Variants in FAT1 observed in about 807,000 individuals in gnomAD.
The protein encoded by FAT1 is protocadherin Fat 1.
In FAT1, 171 loss-of-function variants were observed where a neutral mutation model predicts 329.8. The observed-to-expected ratio is 0.52, with a 90% CI of 0.46 to 0.59. FAT1 has a LOEUF of 0.59. Among genes scored for constraint, FAT1 ranks in the 20% least tolerant of loss-of-function variants. FAT1 has a pLI of 0.00. For missense variants in FAT1, 5,672 were observed against 5,774.4 expected (o/e 0.98, Z 0.57); for synonymous variants, 2,233 against 2,228.6 (o/e 1.00, Z -0.06).
intron 3 of FAT1, among the ~76,000 whole-genome samples, chr4:186,652,901 C>T (rs953803451): frequency 4.6e-5 from 7 of 152,176 alleles, no homozygotes; most frequent in African/African-American, 1.2e-4. Flanking sequence ...AACTTTACTG[C>T]GTGCTTTAGG....
intron 3 of FAT1, among the ~76,000 whole-genome samples, chr4:186,642,733 A>C (rs1741161638): frequency 1.3e-5 from 2 of 152,212 alleles, no homozygotes; most frequent in African/African-American, 4.8e-5. Flanking sequence ...GCAGGGAAGA[A>C]GCTGTGGGCA....
At chr4:186,612,113 CTTTTT>C (rs1343261553) in intron 13 of FAT1, among the ~76,000 whole-genome samples, 2 of 124,322 alleles carry the variant, frequency 1.6e-5, no homozygotes, top group Non-Finnish European at 3.6e-5. Context: ...CCGGCCAACG[CTTTTT>C]TTTTTTTTTT....
chr4:186,677,311 A>C (rs918510422), intron 2 of FAT1, among the ~76,000 whole-genome samples: 1 of 152,196 alleles, frequency 6.6e-6, no homozygotes, highest in African/African-American at 2.4e-5. Flanking sequence ...CTGATAACCT[A>C]GGAGAAACTT....
chr4:186,621,188 C>T lies in FAT1; in HGVS notation c.5398G>A (p.Asp1800Asn), dbSNP rs560677944. Residue 1800 changes from aspartate to asparagine, a missense_variant, in exon 10 of 27, where the codon GAT becomes AAT. Physicochemically the swap from Asp to Asn is conservative, Grantham distance 23. Transcript: ENST00000441802. ...VPLVIRAADA[D>N]KDSNALLVYH... ...ACAAGCAAAGCATTTGAGTCTTTAT[C>T]AGCATCAGCTGCTCGAATCACCAGT... 9.9e-6 allele frequency: 16 copies of T among 1,614,004 alleles called. No homozygotes were observed. Among genetic ancestry groups the T allele is most frequent in the East Asian group, 6.7e-5 (3 of 44,886 alleles).
chr4:186,617,850 G>A lies in FAT1; in HGVS notation c.8736C>T (p.Asn2912=), dbSNP rs200153984. Residue 2912 remains asparagine (N), a synonymous_variant, in exon 10 of 27, where the codon AAC becomes AAT. Transcript: ENST00000441802. ...CGGCCGTGAATCGTGGTGGACTATC[G>A]TTGACATCGGTGACGGTAACATCCA... The part of the protein sequence containing the change: ...AIVDVTVTDV[N]DSPPRFTAEI... 1.7e-4 allele frequency: 269 copies of A among 1,613,938 alleles called. 1 individual carries two copies. In the African/African-American group the frequency reaches 1.8e-3, roughly 11 times the overall value.
intron 3 of FAT1, among the ~76,000 whole-genome samples, chr4:186,645,492 T>C (rs1312675355): frequency 6.8e-6 from 1 of 148,040 alleles, no homozygotes; most frequent in Non-Finnish European, 1.5e-5. Context: ...TGTAAATATG[T>C]GAAGATATCT....
intron 2 of FAT1, among the ~76,000 whole-genome samples, chr4:186,673,749 G>A (rs1352856207): frequency 1.3e-5 from 2 of 152,200 alleles, no homozygotes; most frequent in Non-Finnish European, 2.9e-5. Context: ...TAAGCATCAT[G>A]TTTCAAGCCC....
intron 6 of FAT1, among the ~76,000 whole-genome samples, 153 bp from the exon 7 acceptor site, chr4:186,633,976 A>C (rs937085531): frequency 6.6e-6 from 1 of 152,238 alleles, no homozygotes; most frequent in East Asian, 1.9e-4. Context: ...AGAGTGGCCA[A>C]TTAGAAAGAC....
Position 186,675,814 on chromosome 4 carries a change from CACACACACACAATT to C in FAT1, c.3266-12215_3266-12202del, listed in dbSNP as rs1484296182. ...ACACACACACACACACACACACACACACACACACACAATTAATTTTTAAAAGCTGTACCTTATTT... is the reference window on the plus strand; with the variant it reads ...ACACACACACACACACACACACACACAATTTTTAAAAGCTGTACCTTATTT... On this transcript the variant is annotated intron_variant, in intron 2 of 26. Transcript: ENST00000441802. 3.4e-3 allele frequency among the ~76,000 whole-genome samples: 512 copies of C among 149,768 alleles called. 3 individuals are homozygous for C. Among genetic ancestry groups the C allele is most frequent in the African/African-American group, 0.012 (490 of 39,598 alleles).
intron 2 of FAT1, among the ~76,000 whole-genome samples, chr4:186,691,593 T>C (rs55706395): frequency 0.13 from 20,151 of 152,050 alleles, 1,970 homozygotes; most frequent in African/African-American, 0.28. Flanking sequence ...TCACTTGAGC[T>C]GAGGAGTTCG....
chr4:186,683,242 G>A (rs1357156771), intron 2 of FAT1, among the ~76,000 whole-genome samples: 1 of 152,158 alleles, frequency 6.6e-6, no homozygotes, highest in African/African-American at 2.4e-5. Flanking sequence ...TTCCTCCACA[G>A]CACCGCTCAG....
At chr4:186,678,805 A>T (rs1743066709) in intron 2 of FAT1, among the ~76,000 whole-genome samples, 1 of 152,076 alleles carries the variant, frequency 6.6e-6, no homozygotes, top group African/African-American at 2.4e-5. Flanking sequence ...AAGGATCTAG[A>T]ACCAGAAATA....
chr4:186,653,561 T>G (rs1418883333), intron 3 of FAT1, among the ~76,000 whole-genome samples: 4 of 152,210 alleles, frequency 2.6e-5, no homozygotes, highest in Non-Finnish European at 5.9e-5. Context: ...GTCCCACCAG[T>G]AAATACGTCC....
chr4:186,589,290 G>A, intron 26 of FAT1, 70 bp from the exon 27 acceptor site: 1 of 1,481,748 alleles, frequency 6.7e-7, no homozygotes, highest in Non-Finnish European at 9.0e-7. Flanking sequence ...AGAGAGCTCA[G>A]TGTATCAAAG....
At chr4:186,639,641 G>T in intron 4 of FAT1, 81 bp downstream of exon 4, 1 of 935,736 alleles carries the variant, frequency 1.1e-6, no homozygotes, top group Non-Finnish European at 1.7e-6. Context: ...AAGAATACTG[G>T]TTAATGGGAA....
At chr4:186,604,723 C>A in intron 17 of FAT1, 149 bp from the exon 18 acceptor site, 3 of 535,144 alleles carry the variant, frequency 5.6e-6, no homozygotes, top group Non-Finnish European at 6.3e-6. Context: ...AAGGTGGAGA[C>A]GGGAGTGTGG....
chr4:186,612,213 A>AAACTTTTGTGATTTTTGATT (rs149831179), intron 13 of FAT1, among the ~76,000 whole-genome samples: 1 of 151,314 alleles, frequency 6.6e-6, no homozygotes, highest in Non-Finnish European at 1.5e-5. Flanking sequence ...TTTAAAAGGT[A>AAACTTTTGTGATTTTTGATT]AACAACTTAC....
chr4:186,591,939 G>A (rs760554999), intron 26 of FAT1, among the ~76,000 whole-genome samples: 2 of 152,062 alleles, frequency 1.3e-5, no homozygotes, highest in African/African-American at 2.4e-5. Context: ...TCTCTAGACC[G>A]GCACCATCAG....
intron 16 of FAT1, 49 bp downstream of exon 16, chr4:186,609,134 T>C: frequency 6.3e-7 from 1 of 1,592,248 alleles, no homozygotes; most frequent in Non-Finnish European, 8.6e-7. Context: ...CATTTCTAGT[T>C]ATTGATGTGG....
Sources: allele counts gnomAD v4.1 joint callset (sites outside exome capture counted in the v4.1 genomes callset), GRCh38; gene constraint gnomAD v4.1.1; transcripts MANE v1.5; gene names NCBI Gene and HGNC (gene_info 2026-07-23, HGNC 2026-07-21).